LOC128092252: variants seen among roughly 807,000 people sequenced by gnomAD.
chr15:50,685,499 G>A, the LOC128092252 span, among the ~76,000 whole-genome samples: 5 of 152,178 alleles, frequency 3.3e-5, no homozygotes, highest in Non-Finnish European at 7.3e-5. Context: ...AATAGTGAAA[G>A]ACACATTATT....
chr15:50,658,571 CAAAA>C, the LOC128092252 span, among the ~76,000 whole-genome samples: 1 of 101,816 alleles, frequency 9.8e-6, no homozygotes. Flanking sequence ...GAAACTGTCT[CAAAA>C]AAAAAAAAAA....
At chr15:50,652,532 A>T in the LOC128092252 span, among the ~76,000 whole-genome samples, 12 of 151,794 alleles carry the variant, frequency 7.9e-5, no homozygotes, top group African/African-American at 2.9e-4. Context: ...TCTCAAAAAA[A>T]AAAAAAAAAA....
At chr15:50,678,239 C>CAAAAAA in the LOC128092252 span, among the ~76,000 whole-genome samples, 42 of 91,972 alleles carry the variant, frequency 4.6e-4, 3 homozygotes, top group Non-Finnish European at 5.6e-4. Flanking sequence ...GACTCTCTCT[C>CAAAAAA]AAAAAAAAAA....
the LOC128092252 span, among the ~76,000 whole-genome samples, chr15:50,655,120 GA>G: frequency 8.0e-4 from 103 of 128,568 alleles, 1 homozygote; most frequent in African/African-American, 2.5e-3. Flanking sequence ...ATCAGATAAA[GA>G]AAAAAAAGTT....
the LOC128092252 span, among the ~76,000 whole-genome samples, chr15:50,673,694 T>A: frequency 6.6e-6 from 1 of 152,132 alleles, no homozygotes; most frequent in African/African-American, 2.4e-5. Context: ...GGCATTTGAG[T>A]TGGTTCCACA....
chr15:50,657,634 T>A, the LOC128092252 span: 2 of 657,382 alleles, frequency 3.0e-6, no homozygotes, highest in Non-Finnish European at 5.1e-6. Context: ...CAGCCTTGAC[T>A]GACCCTTCAC....
At chr15:50,655,506 C>A in the LOC128092252 span, among the ~76,000 whole-genome samples, 1 of 149,496 alleles carries the variant, frequency 6.7e-6, no homozygotes, top group Non-Finnish European at 1.5e-5. Context: ...AATATTTACG[C>A]AAGCAGAATA....
chr15:50,660,516 G>A, the LOC128092252 span, among the ~76,000 whole-genome samples: 7 of 152,220 alleles, frequency 4.6e-5, no homozygotes, highest in South Asian at 2.1e-4. Flanking sequence ...TTAAGTGGGC[G>A]TGGTAGCGCA....
At chr15:50,679,426 T>C in the LOC128092252 span, among the ~76,000 whole-genome samples, 1 of 146,768 alleles carries the variant, frequency 6.8e-6, no homozygotes, top group Admixed American at 6.9e-5. Context: ...AGGGTGTTGA[T>C]ACTTTTGTTG....
the LOC128092252 span, among the ~76,000 whole-genome samples, chr15:50,679,553 T>TTTTTTTTTTTTTTTA: frequency 9.2e-6 from 1 of 108,960 alleles, no homozygotes; most frequent in African/African-American, 3.8e-5. Context: ...TTTTTTTTTT[T>TTTTTTTTTTTTTTTA]GAGACAGAGT....
chr15:50,659,006 G>A, the LOC128092252 span, among the ~76,000 whole-genome samples: 2 of 152,100 alleles, frequency 1.3e-5, no homozygotes, highest in South Asian at 4.1e-4. Context: ...AGACCATCCT[G>A]GCTAACGCAG....
chr15:50,656,493 G>C, the LOC128092252 span, among the ~76,000 whole-genome samples: 1 of 147,702 alleles, frequency 6.8e-6, no homozygotes, highest in Non-Finnish European at 1.5e-5. Context: ...TTTTGTGTGT[G>C]GTTTTCTTTT....
the LOC128092252 span, among the ~76,000 whole-genome samples, chr15:50,680,366 C>T: frequency 6.6e-6 from 1 of 152,220 alleles, no homozygotes; most frequent in Middle Eastern, 3.4e-3. Flanking sequence ...CATGCCAAAA[C>T]TCTGTCTCCA....
the LOC128092252 span, among the ~76,000 whole-genome samples, chr15:50,677,751 A>C: frequency 9.4e-5 from 14 of 148,230 alleles, no homozygotes; most frequent in Middle Eastern, 3.5e-3. Flanking sequence ...AAAAAAAAAA[A>C]AAAAAAAAAC....
chr15:50,657,004 A>T, the LOC128092252 span, among the ~76,000 whole-genome samples: 6 of 152,088 alleles, frequency 3.9e-5, no homozygotes, highest in Non-Finnish European at 8.8e-5. Context: ...TTCCAATCCA[A>T]TCTAAAAATG....
the LOC128092252 span, among the ~76,000 whole-genome samples, chr15:50,658,736 G>A: frequency 3.3e-5 from 5 of 152,120 alleles, no homozygotes; most frequent in Admixed American, 3.3e-4. Flanking sequence ...AAAAGCATAG[G>A]CTAAAACACA....
At chr15:50,667,124 G>A in the LOC128092252 span, among the ~76,000 whole-genome samples, 1 of 152,044 alleles carries the variant, frequency 6.6e-6, no homozygotes, top group African/African-American at 2.4e-5. Context: ...AGCATTGATT[G>A]GCCGACTCTG....
At chr15:50,675,454 T>C in the LOC128092252 span, among the ~76,000 whole-genome samples, 2 of 152,164 alleles carry the variant, frequency 1.3e-5, no homozygotes, top group Non-Finnish European at 2.9e-5. Flanking sequence ...CAAATGTACA[T>C]ACATTCTTCC....
chr15:50,669,441 A>G, the LOC128092252 span, among the ~76,000 whole-genome samples: 46 of 152,210 alleles, frequency 3.0e-4, no homozygotes, highest in African/African-American at 1.1e-3. Flanking sequence ...TCTCAAAAAG[A>G]AAAGGAAAAA....
Sources: gnomAD v4.1 joint callset for allele counts (sites outside exome capture counted in the v4.1 genomes callset) on GRCh38, gnomAD v4.1.1 for gene constraint, MANE v1.5 for transcripts.